PCF11: variants seen among roughly 807,000 people sequenced by gnomAD.
PCF11 encodes the protein pre-mRNA cleavage complex 2 protein Pcf11.
In PCF11, 19 loss-of-function variants were observed where a neutral mutation model predicts 166.1. The observed-to-expected ratio is 0.11, with a 90% CI of 0.08 to 0.17. PCF11 has a LOEUF of 0.17. Ranked by LOEUF, PCF11 falls within the 10% of genes least tolerant of loss-of-function variation. PCF11 has a pLI of 1.00. For synonymous variants in PCF11, 663 were observed against 644.1 expected (o/e 1.03, Z -0.44); for missense variants, 1,565 against 1,855.5 (o/e 0.84, Z 2.88).
intron 9 of PCF11, 120 bp from the exon 10 acceptor site, chr11:83,176,965 A>G (rs1477333848): frequency 3.4e-6 from 2 of 580,514 alleles, no homozygotes; most frequent in East Asian, 6.9e-5. Context: ...ATTTTGTCAA[A>G]TTTACTGTTG....
At chr11:83,175,749 G>A (rs1414988557) in intron 9 of PCF11, among the ~76,000 whole-genome samples, 2 of 152,086 alleles carry the variant, frequency 1.3e-5, no homozygotes, top group Non-Finnish European at 1.5e-5. Context: ...GTGAGACTCT[G>A]TCTCAAAACA....
At chr11:83,164,045 T>C (rs1164797233) in intron 3 of PCF11, among the ~76,000 whole-genome samples, 162 bp from the exon 4 acceptor site, 1 of 152,166 alleles carries the variant, frequency 6.6e-6, no homozygotes, top group Admixed American at 6.5e-5. Context: ...ATATTCACCT[T>C]GTTTAGGTAT....
intron 1 of PCF11, chr11:83,157,872 C>CA: frequency 1.8e-6 from 1 of 556,740 alleles, no homozygotes; most frequent in South Asian, 2.2e-5. Flanking sequence ...CTTTTTAGGC[C>CA]ACCGCATTGT....
Position 83,177,185 on chromosome 11 carries a change from A to C in PCF11, c.3858A>C (p.Gln1286His). Residue 1286 changes from glutamine to histidine, a missense_variant, in exon 10 of 16, where the codon CAA becomes CAC. Gln to His is a conservative substitution (Grantham distance 24). Around this residue, in one of 12 missense-constraint regions of PCF11, gnomAD observed 725 missense variants for 749.3 expected, o/e 0.97. Coordinates refer to ENST00000298281, the Ensembl canonical transcript of PCF11. ...AAACAGGAATTCTCAAATTGTCCCA[A>C]ACTGATTCAGCTACAACACGTAAGT... 1 of 1,563,736 alleles carries C rather than the reference A, an allele frequency of 6.4e-7. No individual in the cohort carries two copies. Among genetic ancestry groups the C allele is most frequent in the Non-Finnish European group, 8.7e-7 (1 of 1,154,784 alleles).
Position 83,181,250 on chromosome 11 carries a change from G to A in PCF11, c.4167+59G>A, listed in dbSNP as rs1012947630. On this transcript the variant is annotated intron_variant, in intron 12 of 15. Transcript: ENST00000298281. ...AGGCTTAAATTATATCATTCTAAAA[G>A]TATATTAATTTTAATAATTATTAAA... 23 of 608,818 alleles carry A rather than the reference G, an allele frequency of 3.8e-5. No individual in the cohort carries two copies. The African/African-American group carries it at 4.1e-4, about 11-fold the overall frequency. The allele number at this position is 608,818 out of a possible 1,614,324, so 37.7% of individuals were successfully genotyped here. A position where few individuals can be genotyped will look rare whatever the true frequency, so the allele number is the denominator to read the frequency against.
At chr11:83,163,092 T>C (rs1427953837) in intron 2 of PCF11, among the ~76,000 whole-genome samples, 1 of 152,202 alleles carries the variant, frequency 6.6e-6, no homozygotes, top group Non-Finnish European at 1.5e-5. Context: ...TCTAAACATT[T>C]TTACGCCATC....
intron 9 of PCF11, among the ~76,000 whole-genome samples, chr11:83,173,114 G>A (rs955439238): frequency 6.6e-6 from 1 of 152,126 alleles, no homozygotes; most frequent in African/African-American, 2.4e-5. Flanking sequence ...TTATAAATGC[G>A]CAGGCTTTAA....
At chr11:83,181,417 AAG>A (rs1486886427) in intron 12 of PCF11, among the ~76,000 whole-genome samples, 2 of 150,612 alleles carry the variant, frequency 1.3e-5, no homozygotes, top group African/African-American at 4.9e-5. Context: ...TTTTTAAATT[AAG>A]ATTAGAGTAT....
In PCF11 at chr11:83,167,028, C is replaced by G; in HGVS notation, c.1818-97C>G. 1 of 960,954 alleles carries G rather than the reference C, an allele frequency of 1.0e-6. No homozygotes were observed. Among genetic ancestry groups the G allele is most frequent in the Non-Finnish European group, 1.6e-6 (1 of 637,652 alleles). The allele number at this position is 960,954 out of a possible 1,614,324, so 59.5% of individuals were successfully genotyped here. A position where few individuals can be genotyped will look rare whatever the true frequency, so the allele number is the denominator to read the frequency against. ...ATTACTTTTTGTGGTTACATATGCC[C>G]ATTTTAACCATATCCTTTGAAAAGA... is the stretch of plus-strand genomic sequence containing the variant. On this transcript the variant is annotated intron_variant, in intron 5 of 15. Transcript: ENST00000298281. The surrounding 1 kb of genome is among the most constrained non-coding windows in gnomAD (Gnocchi z 4.2).
exon 13 of PCF11, chr11:83,181,884 C>A: frequency 6.2e-7 from 1 of 1,610,926 alleles, no homozygotes; most frequent in Non-Finnish European, 8.5e-7. Context: ...GATAGCTGAT[C>A]TGGAAGAACG....
At position 83,177,059 on chromosome 11, in the gene PCF11, TTTTCTTTC is replaced by T; in HGVS notation, c.3758-18_3758-11del. The T allele has an allele frequency of 1.4e-6, 2 of 1,434,630 alleles. No individual in the cohort carries two copies. Among genetic ancestry groups the T allele is most frequent in the East Asian group, 5.4e-5 (2 of 36,830 alleles). The allele number at this position is 1,434,630 out of a possible 1,614,324, so 88.9% of individuals were successfully genotyped here. The stretch of plus-strand genomic sequence containing the variant: ...CTACATTCACTTCAAAAGTGGTTTT[TTTTCTTTC>T]TTTCTTTTTTTTGTTAGGAGCCCTC... On this transcript the variant is annotated intron_variant, in intron 9 of 15. Transcript: ENST00000298281.
At chr11:83,185,242 T>G (rs953520352) in exon 16 of PCF11, 1 of 163,144 alleles carries the variant, frequency 6.1e-6, no homozygotes, top group Non-Finnish European at 1.3e-5. Flanking sequence ...TCAAATAGTT[T>G]CTGTACTTTT....
At chr11:83,184,953 TGAA>T (rs1861228877) in exon 16 of PCF11, 3 of 1,219,624 alleles carry the variant, frequency 2.5e-6, no homozygotes, top group African/African-American at 3.1e-5. Context: ...ATCTAGAAGG[TGAA>T]GAATTTTTTT....
intron 15 of PCF11, among the ~76,000 whole-genome samples, chr11:83,183,557 C>G (rs1321946880): frequency 6.6e-6 from 1 of 152,086 alleles, no homozygotes; most frequent in East Asian, 1.9e-4. Context: ...ATGGCGCAAT[C>G]TCGGCTCACT....
chr11:83,169,706 T>C (rs1374401007), exon 8 of PCF11: 17 of 1,613,858 alleles, frequency 1.1e-5, no homozygotes, highest in Non-Finnish European at 1.4e-5. Context: ...TCACAAAGGC[T>C]TGAATCAGTA....
At chr11:83,169,326 C>T (rs910536615) in exon 8 of PCF11, 3 of 1,611,676 alleles carry the variant, frequency 1.9e-6, no homozygotes, top group East Asian at 2.2e-5. Flanking sequence ...GGTTTGAAGG[C>T]CCTTTAGTCC....
At position 83,167,183 on chromosome 11, in the gene PCF11, T is replaced by G; in HGVS notation, c.1876T>G (p.Ser626Ala). The stretch of plus-strand genomic sequence containing the variant: ...TCATCTGAGGCATAGGGAGAGCTGG[T>G]CAAGCACTAAAGGAATTTTATCACC... Residue 626 changes from serine (S) to alanine (A), a missense_variant, in exon 6 of 16, where the codon TCA (serine) becomes GCA (alanine). Coordinates refer to ENST00000298281, the Ensembl canonical transcript of PCF11. The surrounding 1 kb of genome is among the most constrained non-coding windows in gnomAD (Gnocchi z 4.2). 1.2e-6 allele frequency: 2 copies of G among 1,613,666 alleles called. No homozygotes were observed. Among genetic ancestry groups the G allele is most frequent in the Non-Finnish European group, 8.5e-7 (1 of 1,179,648 alleles).
At chr11:83,186,026 C>T (rs1159681956) in exon 16 of PCF11, 5 of 152,194 alleles carry the variant, frequency 3.3e-5, no homozygotes, top group African/African-American at 7.2e-5. Context: ...CTGGTATTCA[C>T]ATCTAATAAC....
intron 3 of PCF11, 55 bp from the exon 4 acceptor site, chr11:83,164,152 C>A: frequency 7.8e-7 from 1 of 1,275,574 alleles, no homozygotes; most frequent in Non-Finnish European, 1.1e-6. Context: ...TTTTTACTCC[C>A]TAGCTTCCGT....
Sources: allele counts gnomAD v4.1 joint callset (sites outside exome capture counted in the v4.1 genomes callset), GRCh38; gene constraint gnomAD v4.1.1; regional missense constraint gnomAD v4.1.1; non-coding constraint Gnocchi (gnomAD v3.1); transcripts MANE v1.5; gene names NCBI Gene and HGNC (gene_info 2026-07-23, HGNC 2026-07-21).